The following SIGLEC1 variants were observed in gnomAD, a reference collection of about 807,000 sequenced individuals.
SIGLEC1 encodes sialic acid binding Ig like lectin 1, also known as sialoadhesin.
SIGLEC1 carries 132 observed loss-of-function variants against 148.0 expected under a neutral mutation model. The ratio of observed to expected loss-of-function variants is 0.89; its 90% CI spans 0.77 to 1.03. SIGLEC1 has a LOEUF of 1.03. Ranked by LOEUF, SIGLEC1 falls within the 50% of genes least tolerant of loss-of-function variation. The pLI, the probability that SIGLEC1 is intolerant of heterozygous loss-of-function variation, is 0.00. For synonymous variants in SIGLEC1, 945 were observed against 969.0 expected (o/e 0.98, Z 0.46); for missense variants, 2,253 against 2,271.4 (o/e 0.99, Z 0.16).
At chr20:3,690,586 C>A (rs527505720) in intron 18 of SIGLEC1, among the ~76,000 whole-genome samples, 1 of 152,378 alleles carries the variant, frequency 6.6e-6, no homozygotes, top group African/African-American at 2.4e-5. Flanking sequence ...TGGGCAACTG[C>A]AGCCACATGA....
In SIGLEC1 at chr20:3,689,692, G is replaced by A. The variant is rs1329442076; in HGVS notation, c.4905C>T (p.Arg1635=). ...AGAGCAGCTGCTGGAACTGATGCAGGCGGTGCAGGGCTGGAACACAGAGCG... is the reference window on the plus strand; with the variant it reads ...AGAGCAGCTGCTGGAACTGATGCAGACGGTGCAGGGCTGGAACACAGAGCG... ...STYFGVRALH[R]LHQFQQLLWV... The change falls in exon 20 of 22, where the codon CGC becomes CGT. Residue 1635 remains arginine, a synonymous_variant. Transcript: ENST00000344754. 1.9e-6 allele frequency: 3 copies of A among 1,576,366 alleles called. No individual in the cohort carries two copies. The highest frequency in any genetic ancestry group is 2.6e-6 in the Non-Finnish European group (3 of 1,161,254).
intron 5 of SIGLEC1, 37 bp from the exon 6 acceptor site, chr20:3,703,488 G>C (rs978204149): frequency 2.6e-6 from 4 of 1,539,638 alleles, no homozygotes; most frequent in Admixed American, 3.9e-5. Context: ...GGGGGTCCCA[G>C]CCAACTTCCA....
rs2087851328 is a variant in SIGLEC1, at chr20:3,701,512, G to T, written c.1358C>A (p.Ala453Asp). ...GTGATCACTGTCCCCGGAGGTGGAG[G>T]CCAGGATATGACCCCCATGTGACAG... ...LVLSHGGHIL[A>D]STSGDSDHSP... The change falls in exon 7 of 22, where the codon GCC (alanine) becomes GAC (aspartate). Residue 453 changes from alanine to aspartate, a missense_variant. By Grantham distance (126) the Ala-to-Asp change is moderately radical. Coordinates refer to ENST00000344754, the MANE Select transcript of SIGLEC1 (RefSeq NM_023068.4). 6.2e-7 allele frequency: 1 copy of T among 1,613,926 alleles called. No homozygotes were observed. The highest frequency in any genetic ancestry group is 1.1e-5 in the South Asian group (1 of 91,090).
rs777199996 is a variant in SIGLEC1, at chr20:3,703,879, C to T, written c.919G>A (p.Ala307Thr). 6.2e-7 allele frequency: 1 copy of T among 1,614,118 alleles called. No individual in the cohort carries two copies. The highest frequency in any genetic ancestry group is 1.1e-5 in the South Asian group (1 of 91,082). ...ACCAAAGAGCCCACGCCGTTCTCAGCTTGGCAGGTGTAGACGCCAGCATCG... is the reference window on the plus strand; with the variant it reads ...ACCAAAGAGCCCACGCCGTTCTCAGTTTGGCAGGTGTAGACGCCAGCATCG... ...WSDAGVYTCQAENGVGSLVSP... is the reference protein window; with the variant it reads ...WSDAGVYTCQTENGVGSLVSP... Residue 307 changes from alanine to threonine, a missense_variant, in exon 5 of 22, where the codon GCT becomes ACT. Physicochemically the swap from Ala to Thr is moderately conservative, Grantham distance 58. Transcript: ENST00000344754.
At chr20:3,708,838 G>C (rs1376376637) in intron 1 of SIGLEC1, among the ~76,000 whole-genome samples, 3 of 152,156 alleles carry the variant, frequency 2.0e-5, no homozygotes, top group Non-Finnish European at 4.4e-5. Context: ...ACAAGGTCAA[G>C]AGATTGAGAC....
intron 21 of SIGLEC1, chr20:3,688,902 G>A (rs2146516152): frequency 1.7e-6 from 1 of 599,314 alleles, no homozygotes; most frequent in South Asian, 2.0e-5. Context: ...TCTTGGAAAT[G>A]GAGGGGATGC....
intron 18 of SIGLEC1, among the ~76,000 whole-genome samples, chr20:3,691,020 G>A (rs146180751): frequency 1.3e-3 from 203 of 151,888 alleles, no homozygotes; most frequent in Non-Finnish European, 2.1e-3. Flanking sequence ...TAGTAGAGAC[G>A]GAGTTTCGCC....
At position 3,696,726 on chromosome 20, in the gene SIGLEC1, C is replaced by T. The variant is rs537770588; in HGVS notation, c.2543G>A (p.Gly848Asp). 9.9e-5 allele frequency: 160 copies of T among 1,613,656 alleles called. 1 individual carries two copies. The South Asian group carries it at 1.6e-3, about 16-fold the overall frequency. ...TSLGPQVPSH[G>D]RFQAKAEANS... ...GGCCTCAGCTTTAGCCTGGAACCGA[C>T]CATGGGATGGGACCTGGGGACCCAG... Residue 848 changes from glycine (G) to aspartate (D), a missense_variant, in exon 11 of 22, where the codon GGT becomes GAT. Transcript: ENST00000344754.
In SIGLEC1 at chr20:3,699,350, G is replaced by A; in HGVS notation, c.1638C>T (p.Tyr546=). The A allele has an allele frequency of 1.2e-6, 2 of 1,609,130 alleles. No homozygotes were observed. The highest frequency in any genetic ancestry group is 1.7e-6 in the Non-Finnish European group (2 of 1,178,480). The change falls in exon 8 of 22, where the codon TAC becomes TAT. Residue 546 remains tyrosine (Y), a synonymous_variant. Coordinates refer to ENST00000344754, the MANE Select transcript of SIGLEC1 (RefSeq NM_023068.4). ...SPTPDARFSW[Y]LNGALLHEGP... The stretch of plus-strand genomic sequence containing the variant: ...CCTCGTGAAGCAGGGCTCCATTCAG[G>A]TACCAGGAGAAGCGGGCATCAGGTG...
At chr20:3,712,109 A>G (rs1366729979) in intron 1 of SIGLEC1, among the ~76,000 whole-genome samples, 1 of 150,972 alleles carries the variant, frequency 6.6e-6, no homozygotes, top group Non-Finnish European at 1.5e-5. Context: ...TAGGGTTGGG[A>G]TGATGGATGG....
chr20:3,698,158 C>T (rs1271792491), intron 8 of SIGLEC1, 25 bp from the exon 9 acceptor site: 4 of 1,543,554 alleles, frequency 2.6e-6, no homozygotes, highest in Non-Finnish European at 2.6e-6. Flanking sequence ...AACATGGGCA[C>T]TCATCCCACG....
Position 3,694,406 on chromosome 20 carries a change from A to G in SIGLEC1, c.3071T>C (p.Val1024Ala). The G allele has an allele frequency of 1.2e-6, 2 of 1,613,016 alleles. No homozygotes were observed. The highest frequency in any genetic ancestry group is 1.1e-5 in the South Asian group (1 of 91,076). ...QLRLLHGDRL[V>A]ASTLQGVGGP... ...CCCCACACCTTGTAGGGTGGAGGCC[A>G]CAAGGCGATCCCCGTGGAGCAGCCG... The change falls in exon 13 of 22, where the codon GTG becomes GCG. Residue 1024 changes from valine (V) to alanine (A), a missense_variant. Transcript: ENST00000344754.
Position 3,694,392 on chromosome 20 carries a change from G to T in SIGLEC1, c.3085C>A (p.Gln1029Lys). The change falls in exon 13 of 22, where the codon CAA becomes AAA. Residue 1029 changes from glutamine to lysine, a missense_variant. Transcript: ENST00000344754. Reference sequence around the variant, plus strand: ...CTGCCTTCGGGTCCCCCCACACCTTGTAGGGTGGAGGCCACAAGGCGATCC... The same window carrying T: ...CTGCCTTCGGGTCCCCCCACACCTTTTAGGGTGGAGGCCACAAGGCGATCC... ...HGDRLVASTL[Q>K]GVGGPEGSSP... 3 of 1,613,270 alleles carry T rather than the reference G, an allele frequency of 1.9e-6. No homozygotes were observed. Among genetic ancestry groups the T allele is most frequent in the Non-Finnish European group, 2.5e-6 (3 of 1,179,868 alleles).
In SIGLEC1 at chr20:3,699,337, G is replaced by A. The variant is rs751692836; in HGVS notation, c.1651C>T (p.Leu551=). The change falls in exon 8 of 22, where the codon CTG becomes TTG. Residue 551 remains leucine (L), a synonymous_variant. Transcript: ENST00000344754. ...ARFSWYLNGA[L]LHEGPGSSLL... is the part of the protein sequence containing the mutation. ...CTGCTGCCGGGACCCTCGTGAAGCA[G>A]GGCTCCATTCAGGTACCAGGAGAAG... 2.5e-6 allele frequency: 4 copies of A among 1,609,062 alleles called. No homozygotes were observed. The African/African-American group carries it at 5.3e-5, about 21-fold the overall frequency.
chr20:3,693,414 T>G (rs777759564), intron 14 of SIGLEC1, 33 bp downstream of exon 14: 91 of 1,533,146 alleles, frequency 5.9e-5, no homozygotes, highest in Non-Finnish European at 7.8e-5. Context: ...CTGTCATTCC[T>G]GTGAGTCCCA....
In SIGLEC1 at chr20:3,697,142, G is replaced by A. The variant is rs576679197; in HGVS notation, c.2323C>T (p.Arg775Cys). The change falls in exon 10 of 22, where the codon CGC becomes TGC. Residue 775 changes from arginine (R) to cysteine (C), a missense_variant. Coordinates refer to ENST00000344754, the MANE Select transcript of SIGLEC1 (RefSeq NM_023068.4). ...ARTDAALYACRILTEAGAQLS... is the reference protein window; with the variant it reads ...ARTDAALYACCILTEAGAQLS... ...TGGGCACCAGCCTCAGTCAGGATGC[G>A]GCAGGCGTAAAGGGCAGCATCAGTT... The A allele has an allele frequency of 1.4e-5, 22 of 1,613,546 alleles. No individual in the cohort carries two copies. Among genetic ancestry groups the A allele is most frequent in the Middle Eastern group, 1.6e-4 (1 of 6,082 alleles).
At position 3,701,594 on chromosome 20, in the gene SIGLEC1, C is replaced by T. The variant is rs2087852259; in HGVS notation, c.1276G>A (p.Gly426Arg). 1 of 1,592,972 alleles carries T rather than the reference C, an allele frequency of 6.3e-7. No homozygotes were observed. Residue 426 changes from glycine to arginine, a missense_variant, in exon 7 of 22, where the codon GGA (glycine) becomes AGA (arginine). Physicochemically the swap from Gly to Arg is moderately radical, Grantham distance 125. Transcript: ENST00000344754. The part of the protein sequence containing the change: ...VLTAFLETQA[G>R]LVGILHCSVV... ...GAGCAGTGAAGGATGCCCACAAGTC[C>T]CGCCTGGGTCTCCAGGAAGGCTGTC...
rs748074256 is a variant in SIGLEC1, at chr20:3,688,538, G to A, written c.*22C>T. ...ACAGATTCTGGCCACTTTCTCCTCC[G>A]GAGGGCAGGCAACACCACTGGTCAG... On this transcript the variant is annotated 3_prime_UTR_variant, in exon 22 of 22. Coordinates refer to ENST00000344754, the MANE Select transcript of SIGLEC1 (RefSeq NM_023068.4). 2.5e-5 allele frequency: 40 copies of A among 1,579,032 alleles called. No homozygotes were observed. Among genetic ancestry groups the A allele is most frequent in the Middle Eastern group, 3.3e-4 (2 of 6,036 alleles).
chr20:3,700,043 G>A (rs2087837740), intron 7 of SIGLEC1, among the ~76,000 whole-genome samples: 1 of 148,868 alleles, frequency 6.7e-6, no homozygotes, highest in African/African-American at 2.5e-5. Context: ...CCCGACCTCT[G>A]GTGATCCACC....
Sources: gnomAD v4.1 joint callset for allele counts (sites outside exome capture counted in the v4.1 genomes callset) on GRCh38, gnomAD v4.1.1 for gene constraint, MANE v1.5 for transcripts, NCBI Gene and HGNC (gene_info 2026-07-23, HGNC 2026-07-21) for gene names.